SKOR2: variants seen among roughly 807,000 people sequenced by gnomAD.
SKOR2 encodes the protein LBX1 corepressor 1-like protein.
Under a neutral mutation model 69.1 loss-of-function variants are expected in SKOR2, and 47 were observed. The ratio of observed to expected loss-of-function variants is 0.68; its 90% CI spans 0.54 to 0.87. The LOEUF (loss-of-function observed/expected upper bound fraction) is 0.87. SKOR2 is among the 40% of genes least tolerant of loss of function. The pLI, the probability that SKOR2 is intolerant of heterozygous loss-of-function variation, is 0.00. For missense variants in SKOR2, 1,404 were observed against 1,472.2 expected, an observed-to-expected ratio of 0.95 and a Z score of 0.76; for synonymous variants, 717 against 672.6, an observed-to-expected ratio of 1.07 and a Z score of -1.02.
At chr18:47,235,529 T>C (rs1236321241) in intron 4 of SKOR2, among the ~76,000 whole-genome samples, 1 of 152,136 alleles carries the variant, frequency 6.6e-6, no homozygotes, top group East Asian at 1.9e-4. Context: ...ACTACATCAC[T>C]GCTGAGTGCA....
intron 4 of SKOR2, among the ~76,000 whole-genome samples, chr18:47,232,564 C>T (rs553825394): frequency 2.6e-5 from 4 of 152,212 alleles, no homozygotes; most frequent in African/African-American, 4.8e-5. Flanking sequence ...TTCACCCCAT[C>T]CCTCCTCTGT....
At chr18:47,251,109 G>T (rs545766547) in intron 1 of SKOR2, among the ~76,000 whole-genome samples, 26 of 150,400 alleles carry the variant, frequency 1.7e-4, no homozygotes, top group African/African-American at 6.3e-4. Context: ...TTTTGGTTGG[G>T]GCATTATTTT....
chr18:47,232,116 G>A (rs903823712), intron 4 of SKOR2, among the ~76,000 whole-genome samples: 1 of 151,918 alleles, frequency 6.6e-6, no homozygotes, highest in Non-Finnish European at 1.5e-5. Flanking sequence ...TCCAGCCTGG[G>A]TGACCCTGTC....
chr18:47,228,280 G>A (rs9952628), intron 6 of SKOR2, among the ~76,000 whole-genome samples: 57,268 of 152,082 alleles, frequency 0.38, 11,651 homozygotes, highest in Middle Eastern at 0.48. Flanking sequence ...TGTTGCAGAT[G>A]AAAAAGAGGA....
chr18:47,209,965 C>T (rs2635047), intron 8 of SKOR2, among the ~76,000 whole-genome samples: 68,625 of 151,832 alleles, frequency 0.45, 15,636 homozygotes, highest in Middle Eastern at 0.56. Context: ...GTGGCGTGCA[C>T]GCCTATAATG....
At chr18:47,215,937 C>T (rs947823166) in intron 7 of SKOR2, among the ~76,000 whole-genome samples, 1 of 152,158 alleles carries the variant, frequency 6.6e-6, no homozygotes, top group Non-Finnish European at 1.5e-5. Flanking sequence ...TACACAGATG[C>T]ACTTGCTTAT....
chr18:47,236,552 G>C (rs2064224496), intron 4 of SKOR2, among the ~76,000 whole-genome samples: 1 of 152,136 alleles, frequency 6.6e-6, no homozygotes, highest in African/African-American at 2.4e-5. Context: ...AGGCCAGGAG[G>C]GCAGACCACT....
At chr18:47,245,643 T>C in intron 2 of SKOR2, 82 bp from the exon 3 acceptor site, 3 of 1,312,138 alleles carry the variant, frequency 2.3e-6, no homozygotes, top group Non-Finnish European at 3.1e-6. Flanking sequence ...GGAAGAAGCA[T>C]CAATAAAAGT....
At chr18:47,211,988 C>T in intron 8 of SKOR2, 98 bp downstream of exon 8, 1 of 1,128,312 alleles carries the variant, frequency 8.9e-7, no homozygotes, top group Non-Finnish European at 1.1e-6. Context: ...GCAACTTTAC[C>T]AATCCCTTGG....
intron 1 of SKOR2, among the ~76,000 whole-genome samples, chr18:47,249,759 T>G (rs1355002386): frequency 6.6e-6 from 1 of 152,254 alleles, no homozygotes; most frequent in African/African-American, 2.4e-5. Flanking sequence ...AAATTCATTA[T>G]TGGTTGAAAC....
At chr18:47,214,153 A>G (rs1008325083) in intron 7 of SKOR2, among the ~76,000 whole-genome samples, 1 of 152,208 alleles carries the variant, frequency 6.6e-6, no homozygotes, top group Admixed American at 6.5e-5. Context: ...TTAAATCACC[A>G]TGGGCCATCT....
At position 47,248,881 on chromosome 18, in the gene SKOR2, G is replaced by T; in HGVS notation, c.303C>A (p.Ile101=). ...TGGGCATGGCCCCGGCACGCCGCAG[G>T]ATCTCCAGTTGCACCGGCGTGCACT... ...CVQCTPVQLE[I]LRRAGAMPIS... Residue 101 remains isoleucine (I), a synonymous_variant, in exon 2 of 9, where the codon ATC becomes ATA. Transcript: ENST00000425639. The surrounding 1 kb of genome is among the most constrained non-coding windows in gnomAD (Gnocchi z 6.4). The T allele has an allele frequency of 6.4e-7, 1 of 1,567,714 alleles. No individual in the cohort carries two copies. Among genetic ancestry groups the T allele is most frequent in the Non-Finnish European group, 8.6e-7 (1 of 1,164,230 alleles).
chr18:47,216,744 T>C (rs1055209433), intron 7 of SKOR2, among the ~76,000 whole-genome samples: 1 of 152,154 alleles, frequency 6.6e-6, no homozygotes, highest in Non-Finnish European at 1.5e-5. Flanking sequence ...AATATGATGG[T>C]TTTAATATAT....
intron 4 of SKOR2, among the ~76,000 whole-genome samples, chr18:47,241,673 C>T (rs2064249455): frequency 6.6e-6 from 1 of 152,034 alleles, no homozygotes; most frequent in Non-Finnish European, 1.5e-5. Context: ...GTTCTTGTGA[C>T]CCAAGATTCC....
intron 1 of SKOR2, 76 bp downstream of exon 1, chr18:47,251,298 A>T (rs1259256710): frequency 6.6e-6 from 1 of 152,162 alleles, no homozygotes; most frequent in Non-Finnish European, 1.5e-5. Context: ...TAACGCGGAA[A>T]ATCCTACCGC....
Position 47,246,868 on chromosome 18 carries a change from C to T in SKOR2, c.2316G>A (p.Glu772=), listed in dbSNP as rs972952101. 1.6e-4 allele frequency: 241 copies of T among 1,492,022 alleles called. No homozygotes were observed. Among genetic ancestry groups the T allele is most frequent in the Non-Finnish European group, 2.1e-4 (233 of 1,127,006 alleles). The allele number at this position is 1,492,022 out of a possible 1,614,324, so 92.4% of individuals were successfully genotyped here. ...AGGGGTCGCCGAGTAGGACCTCCGT[C>T]TCCTCGTCCTCTTCCTCGTCGTCGT... ...DPDDDEEEDE[E]TEVLLGDPLV... The change falls in exon 2 of 9, where the codon GAG becomes GAA. Residue 772 remains glutamate (E), a synonymous_variant. Transcript: ENST00000425639.
intron 8 of SKOR2, 46 bp downstream of exon 8, chr18:47,212,037 CACA>C (rs1296892042): frequency 1.2e-4 from 145 of 1,227,776 alleles, no homozygotes; most frequent in Non-Finnish European, 1.5e-4. Context: ...TGTTCAAGCA[CACA>C]ACAATACAGA....
In SKOR2 at chr18:47,248,095, G is replaced by A; in HGVS notation, c.1089C>T (p.Gly363=). ...GGGCVAGVGV[G]AGAGAGAGAG... ...CCCCGGCACCCGCCCCCGCGCCCGC[G>A]CCCACGCCCACGCCGGCCACACAGC... The change falls in exon 2 of 9, where the codon GGC becomes GGT. Residue 363 remains glycine, a synonymous_variant. Coordinates refer to ENST00000425639, the MANE Select transcript of SKOR2 (RefSeq NM_001278063.4). The surrounding 1 kb of genome is among the most constrained non-coding windows in gnomAD (Gnocchi z 6.4). 1.5e-6 allele frequency: 2 copies of A among 1,356,168 alleles called. No individual in the cohort carries two copies. The highest frequency in any genetic ancestry group is 1.9e-6 in the Non-Finnish European group (2 of 1,058,674). The allele number at this position is 1,356,168 out of a possible 1,614,324, so 84.0% of individuals were successfully genotyped here.
intron 4 of SKOR2, among the ~76,000 whole-genome samples, chr18:47,238,049 T>C (rs528858341): frequency 6.6e-6 from 1 of 152,222 alleles, no homozygotes; most frequent in Non-Finnish European, 1.5e-5. Flanking sequence ...AATTCTCCCT[T>C]GAGCCAACAA....
Sources: gnomAD v4.1 joint callset for allele counts (sites outside exome capture counted in the v4.1 genomes callset) on GRCh38, gnomAD v4.1.1 for gene constraint, Gnocchi (gnomAD v3.1) non-coding constraint, MANE v1.5 for transcripts, NCBI Gene and HGNC (gene_info 2026-07-23, HGNC 2026-07-21) for gene names.